GOLGA4: variants seen among roughly 807,000 people sequenced by gnomAD.
The protein encoded by GOLGA4 is golgin A4, also known as golgin subfamily A member 4.
Under a neutral mutation model 265.9 loss-of-function variants are expected in GOLGA4, and 169 were observed. That is an observed-to-expected ratio of 0.64 (90% CI 0.56 to 0.72). GOLGA4 has a LOEUF of 0.72. GOLGA4 is among the 30% of genes least tolerant of loss of function. GOLGA4 has a pLI of 0.00. For missense variants in GOLGA4, 2,482 were observed against 2,483.4 expected (o/e 1.00, Z 0.01); for synonymous variants, 923 against 855.8 (o/e 1.08, Z -1.37).
At chr3:37,350,502 TC>T (rs1428239370) in intron 21 of GOLGA4, among the ~76,000 whole-genome samples, 1 of 152,144 alleles carries the variant, frequency 6.6e-6, no homozygotes, top group Non-Finnish European at 1.5e-5. Context: ...TAATTCTGAA[TC>T]CCTGAATTTT....
At chr3:37,304,450 T>G (rs1578598219) in intron 10 of GOLGA4, among the ~76,000 whole-genome samples, 1 of 152,200 alleles carries the variant, frequency 6.6e-6, no homozygotes, top group South Asian at 2.1e-4. Context: ...CAGAATATAA[T>G]CTTTGAAGAC....
At chr3:37,318,870 C>G (rs2096945669) in intron 11 of GOLGA4, among the ~76,000 whole-genome samples, 193 bp from the exon 12 acceptor site, 1 of 152,154 alleles carries the variant, frequency 6.6e-6, no homozygotes, top group Non-Finnish European at 1.5e-5. Context: ...AAGAAGAAAA[C>G]TACTGGTTAT....
rs1348864281 is a variant in GOLGA4 at position 37,335,166 on chromosome 3, T to C, written c.6306T>C (p.Asn2102=). Reference sequence around the variant, plus strand: ...AGGAGGAGAACCCTGGCAATGATAATGTGAGAGGAGTTTGAGTTTGCTGCA... The same window carrying C: ...AGGAGGAGAACCCTGGCAATGATAACGTGAGAGGAGTTTGAGTTTGCTGCA... The part of the protein sequence containing the change: ...LEQEENPGND[N]VTIMELQTQL... The change falls in exon 17 of 24, where the codon AAT becomes AAC. Residue 2102 remains asparagine, a splice_region_variant and synonymous_variant. Coordinates refer to ENST00000361924, the MANE Select transcript of GOLGA4 (RefSeq NM_002078.5). 5 of 1,510,430 alleles carry C rather than the reference T, an allele frequency of 3.3e-6. No homozygotes were observed. The highest frequency in any genetic ancestry group is 3.7e-6 in the Non-Finnish European group (4 of 1,091,762). The allele number at this position is 1,510,430 out of a possible 1,614,324, so 93.6% of individuals were successfully genotyped here.
intron 2 of GOLGA4, among the ~76,000 whole-genome samples, chr3:37,264,010 C>A (rs2096777146): frequency 6.6e-6 from 1 of 152,196 alleles, no homozygotes. Flanking sequence ...ACAAAGATTT[C>A]TTAGGCTTTG....
rs185374596 is a variant in GOLGA4 at position 37,364,770 on chromosome 3, T to G, written c.*34-1310T>G. Among the ~76,000 whole-genome samples the G allele has an allele frequency of 4.0e-5, 6 of 151,364 alleles. No individual in the cohort carries two copies. The East Asian group carries it at 1.2e-3, about 30-fold the overall frequency. ...CCTAGCTATTTTTTTTAAAAAAAAG[T>G]TTGTAGATACAGGGTCTTGCCATGT... On this transcript the variant is annotated intron_variant, in intron 23 of 23. Coordinates refer to ENST00000361924, the MANE Select transcript of GOLGA4 (RefSeq NM_002078.5).
chr3:37,302,391 G>T lies in GOLGA4; in HGVS notation c.1234+59G>T. On this transcript the variant is annotated intron_variant, in intron 10 of 23. Coordinates refer to ENST00000361924, the MANE Select transcript of GOLGA4 (RefSeq NM_002078.5). ...AACTCAAAAGTTATTTAAAGTGCTT[G>T]ACCAGTATTTTTAAAAATGAGTTAA... 2.1e-6 allele frequency: 3 copies of T among 1,429,112 alleles called. No homozygotes were observed. The South Asian group carries it at 3.7e-5, about 18-fold the overall frequency. The allele number at this position is 1,429,112 out of a possible 1,614,324, so 88.5% of individuals were successfully genotyped here. A position where few individuals can be genotyped will look rare whatever the true frequency, so the allele number is the denominator to read the frequency against.
chr3:37,273,892 A>C (rs1019132151), intron 2 of GOLGA4, among the ~76,000 whole-genome samples: 1 of 152,288 alleles, frequency 6.6e-6, no homozygotes, highest in East Asian at 1.9e-4. Context: ...GCTTGAGGCC[A>C]AGAGTTCGAG....
At chr3:37,336,851 A>G (rs1383503907) in intron 17 of GOLGA4, among the ~76,000 whole-genome samples, 1 of 152,228 alleles carries the variant, frequency 6.6e-6, no homozygotes, top group Non-Finnish European at 1.5e-5. Context: ...ATTTCTACTC[A>G]ACATTTTTTT....
At chr3:37,365,655 C>T (rs1226065297) in intron 23 of GOLGA4, among the ~76,000 whole-genome samples, 1 of 152,054 alleles carries the variant, frequency 6.6e-6, no homozygotes, top group East Asian at 1.9e-4. Context: ...TGGTAGCATT[C>T]GATATATGGT....
In GOLGA4 at chr3:37,321,874, G is replaced by C. The variant is rs1346142069; in HGVS notation, c.1689G>C (p.Glu563Asp). Residue 563 changes from glutamate to aspartate, a missense_variant, in exon 13 of 24, where the codon GAG (glutamate) becomes GAC (aspartate). This residue lies in a region of GOLGA4 where 1,536 missense variants were observed against 1,483.7 expected (regional missense o/e 1.04). Transcript: ENST00000361924. ...NKLRDLQQEA[E>D]TYRTRILELE... Reference sequence around the variant, plus strand: ...TTCGGGACCTTCAGCAAGAAGCAGAGACTTACAGAACTGTAAGTTTTAATA... The same window carrying C: ...TTCGGGACCTTCAGCAAGAAGCAGACACTTACAGAACTGTAAGTTTTAATA... The C allele has an allele frequency of 6.2e-7, 1 of 1,601,552 alleles. No individual in the cohort carries two copies. The highest frequency in any genetic ancestry group is 1.8e-5 in the Admixed American group (1 of 56,634).
At chr3:37,264,466 G>A (rs2096778281) in intron 2 of GOLGA4, among the ~76,000 whole-genome samples, 1 of 152,042 alleles carries the variant, frequency 6.6e-6, no homozygotes, top group African/African-American at 2.4e-5. Flanking sequence ...TGTCTAAGAA[G>A]TACTAGTTAT....
chr3:37,365,529 A>G (rs1350069306), intron 23 of GOLGA4, among the ~76,000 whole-genome samples: 2 of 152,216 alleles, frequency 1.3e-5, no homozygotes, highest in East Asian at 3.9e-4. Flanking sequence ...TGGCCTTCCA[A>G]AGTGCTAGGA....
At chr3:37,334,167 A>G (rs1290058739) in intron 16 of GOLGA4, among the ~76,000 whole-genome samples, 1 of 152,234 alleles carries the variant, frequency 6.6e-6, no homozygotes, top group Non-Finnish European at 1.5e-5. Context: ...ACCAAGACAA[A>G]TGAGGGAATG....
intron 21 of GOLGA4, among the ~76,000 whole-genome samples, chr3:37,353,163 T>C (rs1026676409): frequency 1.3e-5 from 2 of 151,990 alleles, no homozygotes; most frequent in African/African-American, 4.8e-5. Context: ...ACAGTGACCA[T>C]CATAACATCA....
intron 4 of GOLGA4, among the ~76,000 whole-genome samples, chr3:37,288,953 G>T (rs1447599668): frequency 2.0e-5 from 3 of 152,102 alleles, no homozygotes; most frequent in African/African-American, 7.2e-5. Context: ...CAGTAAAATT[G>T]ACTTTTTGTT....
At chr3:37,294,242 G>C (rs1243597902) in intron 5 of GOLGA4, among the ~76,000 whole-genome samples, 1 of 152,116 alleles carries the variant, frequency 6.6e-6, no homozygotes, top group African/African-American at 2.4e-5. Context: ...GTTTGGTTTC[G>C]ACTATCAGAC....
chr3:37,326,441 G>T lies in GOLGA4; in HGVS notation c.4555G>T (p.Glu1519Ter). The T allele has an allele frequency of 6.2e-7, 1 of 1,612,284 alleles. No individual in the cohort carries two copies. Among genetic ancestry groups the T allele is most frequent in the South Asian group, 1.1e-5 (1 of 90,852 alleles). ...GAAAAAGGAGTCTAATTTAGAAACA[G>T]AGTTAAAGTCTCAAACAGCAAGAAT... Reference protein sequence around the residue: ...MEKKESNLETELKSQTARIME... With the variant: ...MEKKESNLET Residue 1519 changes from glutamate to a stop codon, truncating the protein, a stop_gained, in exon 14 of 24, where the codon GAG (glutamate) becomes TAG (stop). Transcript: ENST00000361924. LOFTEE classifies it high-confidence loss of function.
At position 37,324,389 on chromosome 3, in the gene GOLGA4, A is replaced by G. The variant is rs1165359753; in HGVS notation, c.2503A>G (p.Arg835Gly). The change falls in exon 14 of 24, where the codon AGA becomes GGA. Residue 835 changes from arginine (R) to glycine (G), a missense_variant. By Grantham distance (125) the Arg-to-Gly change is moderately radical. Around this residue, in one of 3 missense-constraint regions of GOLGA4, gnomAD observed 1,536 missense variants for 1,483.7 expected, o/e 1.04. Transcript: ENST00000361924. Reference sequence around the variant, plus strand: ...GAAGTTGTTGGATTTGGAAACAGAAAGAATTCTTCTTACCAAACAGGTTGC... The same window carrying G: ...GAAGTTGTTGGATTTGGAAACAGAAGGAATTCTTCTTACCAAACAGGTTGC... ...QQKLLDLETE[R>G]ILLTKQVAEV... 2 of 1,614,216 alleles carry G rather than the reference A, an allele frequency of 1.2e-6. No homozygotes were observed. Among genetic ancestry groups the G allele is most frequent in the Non-Finnish European group, 1.7e-6 (2 of 1,180,022 alleles).
At chr3:37,300,011 A>G (rs957575850) in intron 9 of GOLGA4, among the ~76,000 whole-genome samples, 2 of 152,156 alleles carry the variant, frequency 1.3e-5, no homozygotes, top group African/African-American at 4.8e-5. Flanking sequence ...TGGTCACACT[A>G]GTGTACTGCA....
Sources: gnomAD v4.1 joint callset for allele counts (sites outside exome capture counted in the v4.1 genomes callset) on GRCh38, gnomAD v4.1.1 for gene constraint, gnomAD v4.1.1 regional missense constraint, MANE v1.5 for transcripts, NCBI Gene and HGNC (gene_info 2026-07-23, HGNC 2026-07-21) for gene names.